The following ZFAND3 variants were observed in gnomAD, a reference collection of about 807,000 sequenced individuals.
ZFAND3 encodes AN1-type zinc finger protein 3.
In ZFAND3, 10 loss-of-function variants were observed where a neutral mutation model predicts 29.6. The observed-to-expected ratio is 0.34, with a 90% CI of 0.21 to 0.57. The LOEUF (loss-of-function observed/expected upper bound fraction) is 0.57, where lower values mean the gene tolerates loss of function less well. Among genes scored for constraint, ZFAND3 ranks in the 20% least tolerant of loss-of-function variants. The probability of loss-of-function intolerance (pLI) is 0.86; values close to 1 mark genes in which losing one functional copy is unlikely to be tolerated. For synonymous variants in ZFAND3, 128 were observed against 112.6 expected, an observed-to-expected ratio of 1.14 and a Z score of -0.87; for missense variants, 230 against 304.5, an observed-to-expected ratio of 0.76 and a Z score of 1.82.
chr6:38,039,171 G>A (rs1763713497), intron 2 of ZFAND3, among the ~76,000 whole-genome samples: 1 of 152,044 alleles, frequency 6.6e-6, no homozygotes, highest in South Asian at 2.1e-4. Flanking sequence ...AAGGTATTGG[G>A]TCTTATTTCT....
At chr6:38,042,053 G>T (rs912996659) in intron 2 of ZFAND3, among the ~76,000 whole-genome samples, 2 of 150,670 alleles carry the variant, frequency 1.3e-5, no homozygotes, top group African/African-American at 4.9e-5. Context: ...GACCAGTCTG[G>T]TCTTGAACTC....
chr6:37,981,354 T>C (rs1398887027), intron 2 of ZFAND3, among the ~76,000 whole-genome samples: 3 of 152,234 alleles, frequency 2.0e-5, no homozygotes, highest in Admixed American at 6.5e-5. Context: ...AAGACAGCTG[T>C]TATCTTTGTT....
intron 4 of ZFAND3, among the ~76,000 whole-genome samples, chr6:38,112,826 TAGC>T (rs1431312296): frequency 1.3e-5 from 2 of 152,216 alleles, no homozygotes; most frequent in Non-Finnish European, 2.9e-5. Context: ...ATTAACTAAT[TAGC>T]AGAGGAAATG....
At chr6:38,063,942 A>G (rs1764292048) in intron 3 of ZFAND3, among the ~76,000 whole-genome samples, 1 of 151,948 alleles carries the variant, frequency 6.6e-6, no homozygotes, top group South Asian at 2.1e-4. Context: ...TGTAGAAATC[A>G]TATAAGAGGA....
intron 1 of ZFAND3, among the ~76,000 whole-genome samples, chr6:37,849,832 G>A (rs1764250771): frequency 6.6e-6 from 1 of 152,234 alleles, no homozygotes; most frequent in Non-Finnish European, 1.5e-5. Flanking sequence ...CTTTTGGGAA[G>A]GAATGTTACG....
At chr6:38,037,691 G>A (rs1049351504) in intron 2 of ZFAND3, among the ~76,000 whole-genome samples, 1 of 152,146 alleles carries the variant, frequency 6.6e-6, no homozygotes, top group African/African-American at 2.4e-5. Flanking sequence ...GCACATCCAC[G>A]ACTAACTCCT....
chr6:37,967,822 CCTTTTT>C (rs1762318859), intron 2 of ZFAND3, among the ~76,000 whole-genome samples: 1 of 152,142 alleles, frequency 6.6e-6, no homozygotes, highest in East Asian at 1.9e-4. Flanking sequence ...TCCTGTTTTT[CCTTTTT>C]AAGTGTTGAC....
intron 1 of ZFAND3, among the ~76,000 whole-genome samples, chr6:37,833,896 G>T (rs186464551): frequency 6.6e-6 from 1 of 151,590 alleles, no homozygotes; most frequent in East Asian, 1.9e-4. Flanking sequence ...TTACTAGAAG[G>T]TAAAAAGAGA....
At chr6:37,822,800 A>G (rs1409176658) in intron 1 of ZFAND3, among the ~76,000 whole-genome samples, 1 of 152,186 alleles carries the variant, frequency 6.6e-6, no homozygotes, top group African/African-American at 2.4e-5. Flanking sequence ...GAAGGCCGGG[A>G]TGTGAGTGAG....
intron 1 of ZFAND3, among the ~76,000 whole-genome samples, chr6:37,869,139 T>C (rs1221212616): frequency 1.3e-5 from 2 of 152,170 alleles, no homozygotes; most frequent in Non-Finnish European, 1.5e-5. Context: ...ATAATATATG[T>C]ATGGTCTGTA....
At chr6:38,119,717 A>C (rs1448823228) in intron 5 of ZFAND3, among the ~76,000 whole-genome samples, 1 of 152,268 alleles carries the variant, frequency 6.6e-6, no homozygotes. Flanking sequence ...GCTGTCGTCC[A>C]AACACTGCCA....
intron 5 of ZFAND3, among the ~76,000 whole-genome samples, chr6:38,127,144 G>A (rs1477766850): frequency 6.6e-6 from 1 of 152,070 alleles, no homozygotes; most frequent in Non-Finnish European, 1.5e-5. Context: ...TAGAAGTGGA[G>A]TCATCCTTGC....
chr6:38,109,372 G>T (rs1204918093), intron 4 of ZFAND3, among the ~76,000 whole-genome samples: 3 of 152,008 alleles, frequency 2.0e-5, no homozygotes, highest in Non-Finnish European at 4.4e-5. Flanking sequence ...TAGAGACAGA[G>T]TTTCACCATG....
intron 2 of ZFAND3, among the ~76,000 whole-genome samples, chr6:38,038,562 A>T (rs1192978074): frequency 6.6e-6 from 1 of 152,100 alleles, no homozygotes; most frequent in East Asian, 1.9e-4. Context: ...CCCCAGGAGG[A>T]TATTCTGAGG....
chr6:37,928,996 G>A (rs755447180), intron 1 of ZFAND3, among the ~76,000 whole-genome samples: 5 of 152,180 alleles, frequency 3.3e-5, no homozygotes, highest in Non-Finnish European at 7.3e-5. Context: ...ATGTAATGGG[G>A]ATGAGACTGT....
chr6:37,977,023 A>T (rs970281685), intron 2 of ZFAND3, among the ~76,000 whole-genome samples: 16 of 152,218 alleles, frequency 1.1e-4, no homozygotes, highest in Non-Finnish European at 2.2e-4. Flanking sequence ...TGTGTCTCTT[A>T]ATTGTGAGGA....
At chr6:38,108,631 T>A (rs1446282637) in intron 4 of ZFAND3, among the ~76,000 whole-genome samples, 1 of 152,192 alleles carries the variant, frequency 6.6e-6, no homozygotes, top group Non-Finnish European at 1.5e-5. Flanking sequence ...AACAGACTTA[T>A]CCCACCTTCT....
rs191046468 is a variant in ZFAND3, at chr6:37,852,602, A to G, written c.71+32586A>G. 3.7e-3 allele frequency among the ~76,000 whole-genome samples: 559 copies of G among 151,778 alleles called. 13 individuals are homozygous for G. The highest frequency in any genetic ancestry group is 0.034 in the Admixed American group (512 of 15,234). Reference sequence around the variant, plus strand: ...TTGGAATGTATTTCTGCCACCTCTTATATTTACAACTTCTCCAGACATAAT... The same window carrying G: ...TTGGAATGTATTTCTGCCACCTCTTGTATTTACAACTTCTCCAGACATAAT... On this transcript the variant is annotated intron_variant, in intron 1 of 5. Transcript: ENST00000287218.
At chr6:37,908,860 G>A (rs1430874560) in intron 1 of ZFAND3, among the ~76,000 whole-genome samples, 10 of 151,970 alleles carry the variant, frequency 6.6e-5, no homozygotes, top group Non-Finnish European at 1.0e-4. Context: ...CTTTGAAACC[G>A]TATGGGATCT....
Sources: gnomAD v4.1 joint callset for allele counts (sites outside exome capture counted in the v4.1 genomes callset) on GRCh38, gnomAD v4.1.1 for gene constraint, MANE v1.5 for transcripts, NCBI Gene and HGNC (gene_info 2026-07-23, HGNC 2026-07-21) for gene names.